The following RALGAPA2 variants were observed in gnomAD, a reference collection of about 807,000 sequenced individuals.
The protein encoded by RALGAPA2 is Ral GTPase activating protein catalytic subunit alpha 2.
RALGAPA2 carries 139 observed loss-of-function variants against 230.4 expected under a neutral mutation model. The observed-to-expected ratio is 0.60, with a 90% CI of 0.53 to 0.69. The LOEUF (loss-of-function observed/expected upper bound fraction) is 0.69, where lower values mean the gene tolerates loss of function less well. RALGAPA2 is among the 30% of genes least tolerant of loss of function. The probability of loss-of-function intolerance (pLI) is 0.00; values close to 1 mark genes in which losing one functional copy is unlikely to be tolerated. For synonymous variants in RALGAPA2, 847 were observed against 837.8 expected, an observed-to-expected ratio of 1.01 and a Z score of -0.19; for missense variants, 2,163 against 2,276.0, an observed-to-expected ratio of 0.95 and a Z score of 1.01.
chr20:20,705,016 C>T (rs1019956010), intron 1 of RALGAPA2, among the ~76,000 whole-genome samples: 8 of 152,212 alleles, frequency 5.3e-5, no homozygotes, highest in Non-Finnish European at 1.0e-4. Flanking sequence ...CTCCTCTGCA[C>T]CTGTGCCCAC....
intron 1 of RALGAPA2, among the ~76,000 whole-genome samples, chr20:20,689,439 C>T (rs959807475): frequency 7.2e-5 from 11 of 152,102 alleles, no homozygotes; most frequent in South Asian, 4.1e-4. Context: ...GTCAAAAGGT[C>T]AAGATCATCC....
At chr20:20,590,198 C>G (rs2065247015) in intron 17 of RALGAPA2, among the ~76,000 whole-genome samples, 1 of 151,984 alleles carries the variant, frequency 6.6e-6, no homozygotes, top group African/African-American at 2.4e-5. Flanking sequence ...CTGTACAACA[C>G]ATTTCTTGAA....
chr20:20,667,456 C>T (rs539838142), intron 3 of RALGAPA2, among the ~76,000 whole-genome samples: 1 of 152,290 alleles, frequency 6.6e-6, no homozygotes, highest in African/African-American at 2.4e-5. Flanking sequence ...CAGCATAACA[C>T]CAAACTGCAG....
chr20:20,657,699 G>A (rs2067638143), intron 3 of RALGAPA2, among the ~76,000 whole-genome samples: 1 of 152,180 alleles, frequency 6.6e-6, no homozygotes, highest in Non-Finnish European at 1.5e-5. Context: ...GCAGTAACTT[G>A]GTGTCCTATT....
At chr20:20,562,998 A>C (rs893130353) in intron 23 of RALGAPA2, among the ~76,000 whole-genome samples, 5 of 152,180 alleles carry the variant, frequency 3.3e-5, no homozygotes, top group African/African-American at 7.2e-5. Context: ...TGTGGAAAAC[A>C]CTCGGAAGGC....
Position 20,431,115 on chromosome 20 carries a change from G to C in RALGAPA2, c.5496-18967C>G, listed in dbSNP as rs568316775. On this transcript the variant is annotated intron_variant, in intron 37 of 39. Transcript: ENST00000202677. Reference sequence around the variant, plus strand: ...CCCTGAAGCGTAGCTCTGAGACTGAGTGGAATCTACACAGGCCAGAACAGG... The same window carrying C: ...CCCTGAAGCGTAGCTCTGAGACTGACTGGAATCTACACAGGCCAGAACAGG... Among the ~76,000 whole-genome samples, 46 of 151,758 alleles carry C rather than the reference G, an allele frequency of 3.0e-4. 1 individual carries two copies. The highest frequency in any genetic ancestry group is 1.0e-3 in the African/African-American group (43 of 41,326).
intron 37 of RALGAPA2, among the ~76,000 whole-genome samples, chr20:20,458,377 CA>C (rs991008063): frequency 2.8e-5 from 4 of 143,518 alleles, no homozygotes; most frequent in African/African-American, 5.2e-5. Context: ...TCTGTTTGTC[CA>C]AAAAAAATAC....
chr20:20,546,655 G>T (rs572022676), intron 24 of RALGAPA2, 49 bp downstream of exon 24: 1 of 1,522,240 alleles, frequency 6.6e-7, no homozygotes, highest in East Asian at 2.3e-5. Context: ...CCTTGTTAGC[G>T]ATTGTGAAGC....
intron 27 of RALGAPA2, among the ~76,000 whole-genome samples, chr20:20,530,511 A>G (rs929079509): frequency 6.6e-6 from 1 of 152,208 alleles, no homozygotes. Context: ...TTGGTCAAGC[A>G]GGGGCCAGAC....
intron 3 of RALGAPA2, among the ~76,000 whole-genome samples, chr20:20,674,881 A>G (rs1207729877): frequency 6.6e-6 from 1 of 152,208 alleles, no homozygotes; most frequent in Non-Finnish European, 1.5e-5. Flanking sequence ...AGTTACTGTC[A>G]CAGAGGTGAA....
chr20:20,413,524 T>A (rs2060105723), intron 37 of RALGAPA2, among the ~76,000 whole-genome samples: 1 of 152,052 alleles, frequency 6.6e-6, no homozygotes, highest in African/African-American at 2.4e-5. Flanking sequence ...TAAATCTGAA[T>A]TAATTAAAGT....
In RALGAPA2 at chr20:20,589,389, T is replaced by C. The variant is rs760128255; in HGVS notation, c.2342-24A>G. ...ACCTAGAAATGGTGGGGCAGGGGGGTAGCGGAAATAGAAGGAATGTTTCAG... is the reference window on the plus strand; with the variant it reads ...ACCTAGAAATGGTGGGGCAGGGGGGCAGCGGAAATAGAAGGAATGTTTCAG... On this transcript the variant is annotated intron_variant, in intron 17 of 39. Coordinates refer to ENST00000202677, the MANE Select transcript of RALGAPA2 (RefSeq NM_020343.4). 5.1e-6 allele frequency: 8 copies of C among 1,554,040 alleles called. No individual in the cohort carries two copies. The East Asian group carries it at 9.4e-5, about 18-fold the overall frequency.
chr20:20,648,481 C>T (rs537036999), intron 4 of RALGAPA2, among the ~76,000 whole-genome samples: 1 of 152,052 alleles, frequency 6.6e-6, no homozygotes, highest in East Asian at 1.9e-4. Flanking sequence ...TCAAAATGTG[C>T]ATTTTAAATA....
chr20:20,445,069 C>T (rs1374271763), intron 37 of RALGAPA2, among the ~76,000 whole-genome samples: 3 of 152,148 alleles, frequency 2.0e-5, no homozygotes, highest in African/African-American at 2.4e-5. Context: ...ATAATTGTTA[C>T]ATTTTATTAT....
At chr20:20,453,277 G>C (rs1032691262) in intron 37 of RALGAPA2, among the ~76,000 whole-genome samples, 6 of 152,114 alleles carry the variant, frequency 3.9e-5, no homozygotes, top group African/African-American at 1.2e-4. Context: ...TTCACCTCCT[G>C]GTCTTGTTCT....
chr20:20,587,296 C>T (rs2065161860), intron 18 of RALGAPA2, among the ~76,000 whole-genome samples: 1 of 152,148 alleles, frequency 6.6e-6, no homozygotes, highest in South Asian at 2.1e-4. Flanking sequence ...ACTATAGTAA[C>T]TGAGATGTTG....
chr20:20,417,030 C>T (rs1292885624), intron 37 of RALGAPA2, among the ~76,000 whole-genome samples: 1 of 152,218 alleles, frequency 6.6e-6, no homozygotes, highest in Non-Finnish European at 1.5e-5. Context: ...TAGCCATTCT[C>T]ATGACTCTAA....
At chr20:20,470,898 C>T (rs2061525362) in intron 37 of RALGAPA2, 1 of 152,144 alleles carries the variant, frequency 6.6e-6, no homozygotes, top group Non-Finnish European at 1.5e-5. Flanking sequence ...TCCCCACTAA[C>T]TCCATCTCTA....
chr20:20,593,981 A>G (rs942224241), intron 16 of RALGAPA2, among the ~76,000 whole-genome samples: 8 of 152,184 alleles, frequency 5.3e-5, no homozygotes, highest in Non-Finnish European at 8.8e-5. Flanking sequence ...GACGTATCAG[A>G]TGGAGAAAGT....
Sources: allele counts gnomAD v4.1 joint callset (sites outside exome capture counted in the v4.1 genomes callset), GRCh38; gene constraint gnomAD v4.1.1; transcripts MANE v1.5; gene names NCBI Gene and HGNC (gene_info 2026-07-23, HGNC 2026-07-21).